The following EXT1 variants were observed in gnomAD, a reference collection of about 807,000 sequenced individuals.
EXT1 encodes the protein exostosin-1.
Under a neutral mutation model 82.5 loss-of-function variants are expected in EXT1, and 20 were observed. The observed-to-expected ratio is 0.24, with a 90% CI of 0.17 to 0.35. EXT1 has a LOEUF of 0.35. Among genes scored for constraint, EXT1 ranks in the 10% least tolerant of loss-of-function variants. The probability of loss-of-function intolerance (pLI) is 1.00; values close to 1 mark genes in which losing one functional copy is unlikely to be tolerated. For synonymous variants in EXT1, 348 were observed against 350.8 expected (o/e 0.99, Z 0.09); for missense variants, 757 against 936.5 (o/e 0.81, Z 2.50).
At chr8:118,105,038 T>C (rs543292828) in intron 1 of EXT1, among the ~76,000 whole-genome samples, 4 of 152,298 alleles carry the variant, frequency 2.6e-5, no homozygotes, top group East Asian at 3.9e-4. Context: ...ACAGGCTGCG[T>C]AGCCTCAGGC....
At position 117,894,174 on chromosome 8, in the gene EXT1, C is replaced by CTTTCT. The variant is rs147903580; in HGVS notation, c.963-56978_963-56974dup. 3.0e-4 allele frequency among the ~76,000 whole-genome samples: 45 copies of CTTTCT among 152,060 alleles called. 1 individual carries two copies. The South Asian group carries it at 7.5e-3, about 25-fold the overall frequency. ...TAATCACTCTCTGGTTTTGGTTTTT[C>CTTTCT]TTTCTTTTCTTTTCTTTTCTCTTTT... is the stretch of plus-strand genomic sequence containing the variant. On this transcript the variant is annotated intron_variant, in intron 1 of 10. Transcript: ENST00000378204.
At chr8:117,933,061 G>A (rs911829924) in intron 1 of EXT1, among the ~76,000 whole-genome samples, 1 of 151,964 alleles carries the variant, frequency 6.6e-6, no homozygotes, top group Non-Finnish European at 1.5e-5. Flanking sequence ...CTCTCTCAGT[G>A]GTATGTTCTT....
intron 1 of EXT1, among the ~76,000 whole-genome samples, chr8:117,920,378 G>C (rs1402667413): frequency 1.3e-5 from 2 of 152,000 alleles, no homozygotes; most frequent in African/African-American, 2.4e-5. Flanking sequence ...CTGGGATTAC[G>C]GGCATGAGCC....
intron 1 of EXT1, among the ~76,000 whole-genome samples, chr8:117,907,649 T>A (rs1013037362): frequency 6.6e-6 from 1 of 152,228 alleles, no homozygotes; most frequent in Non-Finnish European, 1.5e-5. Context: ...TTATTATAGC[T>A]ATCAGTTCTG....
intron 1 of EXT1, among the ~76,000 whole-genome samples, chr8:117,963,090 T>C (rs1286827435): frequency 6.6e-6 from 1 of 152,116 alleles, no homozygotes; most frequent in Non-Finnish European, 1.5e-5. Flanking sequence ...TCCCATCCAA[T>C]AGTCTTGTTC....
chr8:117,953,310 A>C (rs1385778862), intron 1 of EXT1, among the ~76,000 whole-genome samples: 1 of 152,144 alleles, frequency 6.6e-6, no homozygotes, highest in East Asian at 1.9e-4. Context: ...CCATTCACTG[A>C]ATAAAACCTA....
intron 1 of EXT1, among the ~76,000 whole-genome samples, chr8:117,880,584 C>T (rs17450758): frequency 0.23 from 33,826 of 148,708 alleles, 4,069 homozygotes; most frequent in East Asian, 0.37. Context: ...CTATGTTTTG[C>T]CTCTTTTTTC....
intron 1 of EXT1, among the ~76,000 whole-genome samples, chr8:118,051,772 G>C (rs758417445): frequency 4.2e-5 from 2 of 47,118 alleles, no homozygotes; most frequent in Non-Finnish European, 9.2e-5. Context: ...TAACAATATC[G>C]TAAGATCAAT....
chr8:118,041,567 A>G (rs1362646077), intron 1 of EXT1, among the ~76,000 whole-genome samples: 2 of 152,252 alleles, frequency 1.3e-5, no homozygotes, highest in East Asian at 3.9e-4. Flanking sequence ...CGTGTTCCTC[A>G]ATAAATAGCT....
intron 1 of EXT1, among the ~76,000 whole-genome samples, chr8:117,892,426 C>A (rs935669621): frequency 6.6e-6 from 1 of 152,206 alleles, no homozygotes; most frequent in Non-Finnish European, 1.5e-5. Context: ...ATTGCTGCTG[C>A]TGCTGCTGCT....
intron 1 of EXT1, among the ~76,000 whole-genome samples, chr8:117,951,677 T>C (rs571294324): frequency 2.9e-4 from 44 of 152,346 alleles, no homozygotes; most frequent in African/African-American, 9.4e-4. Context: ...ATCCTCTTTA[T>C]GTAGACCACT....
At chr8:117,941,293 A>G (rs1220131738) in intron 1 of EXT1, among the ~76,000 whole-genome samples, 2 of 152,196 alleles carry the variant, frequency 1.3e-5, no homozygotes, top group East Asian at 3.8e-4. Context: ...GATCTTTATT[A>G]TGCAGGAAAT....
rs1031760126 is a variant in EXT1 at position 117,798,090 on chromosome 8, G to A, written c.*1622C>T. On this transcript the variant is annotated 3_prime_UTR_variant, in exon 11 of 11. Coordinates refer to ENST00000378204, the MANE Select transcript of EXT1 (RefSeq NM_000127.3). ...ACAAGCTCCTCTTCCTCTCCCAGAT[G>A]TCTACAAAGAAAGGATGAGGTAAAG... 52 of 152,164 alleles carry A rather than the reference G, an allele frequency of 3.4e-4. No homozygotes were observed. The highest frequency in any genetic ancestry group is 1.3e-4 in the Admixed American group (2 of 15,282). 9.4% of individuals were successfully genotyped at this position (152,164 alleles called of 1,614,324 possible).
At chr8:118,007,823 A>G (rs1315350703) in intron 1 of EXT1, among the ~76,000 whole-genome samples, 1 of 152,214 alleles carries the variant, frequency 6.6e-6, no homozygotes, top group Non-Finnish European at 1.5e-5. Flanking sequence ...AATATGCTTC[A>G]GTTGTGTAAG....
At chr8:117,949,097 G>C (rs1230024363) in intron 1 of EXT1, among the ~76,000 whole-genome samples, 1 of 152,164 alleles carries the variant, frequency 6.6e-6, no homozygotes, top group Non-Finnish European at 1.5e-5. Context: ...GTATTTAAGA[G>C]ATAGGTTAAT....
intron 1 of EXT1, among the ~76,000 whole-genome samples, chr8:117,952,246 G>C (rs539281015): frequency 1.3e-5 from 2 of 152,224 alleles, no homozygotes; most frequent in African/African-American, 4.8e-5. Flanking sequence ...CACATTACTG[G>C]TATAGGTAAT....
intron 1 of EXT1, among the ~76,000 whole-genome samples, chr8:118,080,486 G>C (rs1232667526): frequency 1.3e-5 from 2 of 151,872 alleles, no homozygotes. Flanking sequence ...GTTCCCTGAA[G>C]AAGTTCTGGT....
rs189148294 is a variant in EXT1 at position 118,038,347 on chromosome 8, T to G, written c.962+71738A>C. On this transcript the variant is annotated intron_variant, in intron 1 of 10. Transcript: ENST00000378204. ...CTTAATGGATAAAATATAAATTCAA[T>G]TGAAGTCAAAGGATATTTGCCTATT... Among the ~76,000 whole-genome samples the G allele has an allele frequency of 5.3e-5, 8 of 152,266 alleles. No homozygotes were observed. The East Asian group carries it at 1.4e-3, about 26-fold the overall frequency.
At chr8:117,990,861 C>G (rs562051676) in intron 1 of EXT1, among the ~76,000 whole-genome samples, 4 of 152,274 alleles carry the variant, frequency 2.6e-5, no homozygotes, top group South Asian at 2.1e-4. Context: ...ATTAAGGTGG[C>G]CTTCAAGTGT....
Sources: allele counts gnomAD v4.1 joint callset (sites outside exome capture counted in the v4.1 genomes callset), GRCh38; gene constraint gnomAD v4.1.1; transcripts MANE v1.5; gene names NCBI Gene and HGNC (gene_info 2026-07-23, HGNC 2026-07-21).